Variants in ELOC observed in about 807,000 individuals in gnomAD.
The protein encoded by ELOC is elongin C, also known as elongin-C.
For missense variants in ELOC, 38 were observed against 139.0 expected (o/e 0.27, Z 3.65); for synonymous variants, 40 against 51.3 (o/e 0.78, Z 0.94).
chr8:73,952,980 C>T (rs1813876467), intron 3 of ELOC, among the ~76,000 whole-genome samples: 1 of 152,052 alleles, frequency 6.6e-6, no homozygotes, highest in South Asian at 2.1e-4. Flanking sequence ...TAATGTTCAA[C>T]ATCATTAGTC....
chr8:73,964,727 T>C (rs1222900346), intron 1 of ELOC: 1 of 152,068 alleles, frequency 6.6e-6, no homozygotes, highest in African/African-American at 2.4e-5. Flanking sequence ...AAAACTTCTG[T>C]TCATCAAATA....
intron 2 of ELOC, among the ~76,000 whole-genome samples, chr8:73,956,912 C>T (rs756341973): frequency 6.6e-5 from 10 of 152,050 alleles, no homozygotes; most frequent in Non-Finnish European, 1.2e-4. Context: ...GAGGCCAAGG[C>T]GGGTGGATCA....
intron 3 of ELOC, among the ~76,000 whole-genome samples, chr8:73,949,905 A>AT (rs201649524): frequency 0.019 from 2,891 of 152,092 alleles, 31 homozygotes; most frequent in Non-Finnish European, 0.03. Flanking sequence ...GGCATTTGTG[A>AT]TTTTTTTTCC....
rs1465549571 is a variant in ELOC at position 73,945,930 on chromosome 8, G to C, written c.*700C>G. On this transcript the variant is annotated 3_prime_UTR_variant, in exon 4 of 4. Coordinates refer to ENST00000520242, the MANE Select transcript of ELOC (RefSeq NM_005648.4). The stretch of plus-strand genomic sequence containing the variant: ...ATAGTCAATGCAAATACAGTACTTT[G>C]AATTACCCAAAATGTATAATGCACA... 4 of 151,350 alleles carry C rather than the reference G, an allele frequency of 2.6e-5. No homozygotes were observed. The highest frequency in any genetic ancestry group is 9.8e-5 in the African/African-American group (4 of 40,698). The allele number at this position is 151,350 out of a possible 1,614,324, so 9.4% of individuals were successfully genotyped here. A position where few individuals can be genotyped will look rare whatever the true frequency, so the allele number is the denominator to read the frequency against.
At chr8:73,947,250 G>A (rs571214176) in intron 3 of ELOC, among the ~76,000 whole-genome samples, 166 of 152,204 alleles carry the variant, frequency 1.1e-3, no homozygotes, top group African/African-American at 3.8e-3. Flanking sequence ...GCCTCCCAAA[G>A]TGCTGGGATT....
chr8:73,960,803 T>C (rs561007943), intron 1 of ELOC, among the ~76,000 whole-genome samples: 1 of 152,196 alleles, frequency 6.6e-6, no homozygotes, highest in Admixed American at 6.5e-5. Context: ...GGACATGAAG[T>C]AACTTCCATG....
chr8:73,950,311 AAATATAGTCATG>A (rs1397203700), intron 3 of ELOC, among the ~76,000 whole-genome samples: 1 of 152,220 alleles, frequency 6.6e-6, no homozygotes, highest in Non-Finnish European at 1.5e-5. Flanking sequence ...GAAAAACATG[AAATATAGTCATG>A]AATTCATGAT....
At chr8:73,966,503 T>G (rs1405278404) in intron 1 of ELOC, among the ~76,000 whole-genome samples, 1 of 144,892 alleles carries the variant, frequency 6.9e-6, no homozygotes, top group African/African-American at 2.7e-5. Context: ...TTTTTTTTTT[T>G]GAGACAAGTT....
intron 3 of ELOC, among the ~76,000 whole-genome samples, chr8:73,947,150 G>A (rs748954638): frequency 5.1e-4 from 78 of 151,962 alleles, no homozygotes; most frequent in Non-Finnish European, 9.9e-4. Context: ...CACCACGACC[G>A]GCTAATTTTT....
chr8:73,950,478 C>T (rs1164999422), intron 3 of ELOC, among the ~76,000 whole-genome samples: 4 of 152,164 alleles, frequency 2.6e-5, no homozygotes, highest in African/African-American at 9.6e-5. Context: ...TTCAATGTAA[C>T]CAAATAATAT....
intron 1 of ELOC, among the ~76,000 whole-genome samples, chr8:73,964,286 T>C (rs1238961609): frequency 1.4e-5 from 2 of 145,190 alleles, no homozygotes; most frequent in African/African-American, 5.1e-5. Flanking sequence ...ATTTCCTGAA[T>C]CCTTATATGG....
intron 1 of ELOC, among the ~76,000 whole-genome samples, chr8:73,964,058 A>T (rs72661853): frequency 0.24 from 33,318 of 136,616 alleles, 4,148 homozygotes; most frequent in Non-Finnish European, 0.29. Context: ...GCGCCACTGC[A>T]CTCCAGCCTG....
chr8:73,970,868 AC>A (rs376753501), intron 1 of ELOC, among the ~76,000 whole-genome samples: 10,223 of 138,370 alleles, frequency 0.074, 542 homozygotes, highest in Admixed American at 0.16. Flanking sequence ...ACAAAACAAA[AC>A]AAAAAAAAAA....
chr8:73,971,262 C>G (rs879470670), intron 1 of ELOC, among the ~76,000 whole-genome samples: 1 of 151,328 alleles, frequency 6.6e-6, no homozygotes, highest in African/African-American at 2.4e-5. Context: ...ATTAGTCAGG[C>G]GTGGTGGCAT....
chr8:73,959,596 C>A (rs571352657), intron 2 of ELOC, among the ~76,000 whole-genome samples, 169 bp downstream of exon 2: 1 of 152,020 alleles, frequency 6.6e-6, no homozygotes, highest in Non-Finnish European at 1.5e-5. Context: ...CAACACTGAC[C>A]GAAAAATCAT....
chr8:73,950,363 C>T (rs1813673213), intron 3 of ELOC, among the ~76,000 whole-genome samples: 1 of 152,150 alleles, frequency 6.6e-6, no homozygotes, highest in African/African-American at 2.4e-5. Flanking sequence ...AAACAAAACA[C>T]TCTTTACTAT....
chr8:73,963,045 G>A (rs1213470541), intron 1 of ELOC, among the ~76,000 whole-genome samples: 2 of 152,216 alleles, frequency 1.3e-5, no homozygotes, highest in Non-Finnish European at 2.9e-5. Flanking sequence ...GCCACTCGTA[G>A]GGGAACCGCT....
intron 1 of ELOC, among the ~76,000 whole-genome samples, chr8:73,966,630 G>A (rs1213678286): frequency 1.3e-5 from 2 of 151,370 alleles, no homozygotes; most frequent in South Asian, 2.1e-4. Context: ...TACCAAGCCC[G>A]GCTAAAATTT....
rs75407672 is a variant in ELOC, at chr8:73,966,641, CTT to C, written c.-51+5434_-51+5435del. On this transcript the variant is annotated intron_variant, in intron 1 of 3. Transcript: ENST00000520242. ...CTGCTACCAAGCCCGGCTAAAATTT[CTT>C]TTTTTTTTTTTTTTAAGTGGAGGTC... Among the ~76,000 whole-genome samples, 146 of 137,514 alleles carry C rather than the reference CTT, an allele frequency of 1.1e-3. No individual in the cohort carries two copies. In the Middle Eastern group the frequency reaches 0.012, roughly 11 times the overall value. The allele number at this position is 137,514 out of a possible 152,430, so 90.2% of individuals were successfully genotyped here. A position where few individuals can be genotyped will look rare whatever the true frequency, so the allele number is the denominator to read the frequency against.
Sources: gnomAD v4.1 joint callset for allele counts (sites outside exome capture counted in the v4.1 genomes callset) on GRCh38, gnomAD v4.1.1 for gene constraint, MANE v1.5 for transcripts, NCBI Gene and HGNC (gene_info 2026-07-23, HGNC 2026-07-21) for gene names.